Variants in ATP11A observed in about 807,000 individuals in gnomAD.
ATP11A encodes phospholipid-transporting ATPase IH.
A neutral mutation model predicts 154.4 loss-of-function variants in ATP11A; 81 were observed. The observed-to-expected ratio is 0.52, with a 90% CI of 0.44 to 0.63. The LOEUF is 0.63. Among genes scored for constraint, ATP11A ranks in the 30% least tolerant of loss-of-function variants. ATP11A has a pLI of 0.00. For missense variants in ATP11A, 1,316 were observed against 1,474.3 expected (o/e 0.89, Z 1.76); for synonymous variants, 623 against 585.9 (o/e 1.06, Z -0.91).
chr13:112,698,316 C>T lies in ATP11A; in HGVS notation c.39+7861C>T, dbSNP rs749879983. Among the ~76,000 whole-genome samples the T allele has an allele frequency of 3.3e-5, 5 of 152,168 alleles. 1 individual carries two copies. Among genetic ancestry groups the T allele is most frequent in the South Asian group, 2.1e-4 (1 of 4,838 alleles). On this transcript the variant is annotated intron_variant, in intron 1 of 29. Transcript: ENST00000375645. ...CGTCGAAGCCTGAGACCACCCCACC[C>T]GGTCCCAAGGAGGACACAGGCTTTT...
chr13:112,705,658 C>G (rs1887065186), intron 1 of ATP11A, among the ~76,000 whole-genome samples: 1 of 152,218 alleles, frequency 6.6e-6, no homozygotes, highest in Non-Finnish European at 1.5e-5. Flanking sequence ...GAGCAGAGGC[C>G]TAGTCTGAGA....
intron 17 of ATP11A, among the ~76,000 whole-genome samples, chr13:112,845,369 C>T (rs529786833): frequency 9.0e-6 from 1 of 111,404 alleles, no homozygotes; most frequent in South Asian, 2.6e-4. Flanking sequence ...ACTAGCGGTA[C>T]TATTCAGTCC....
Position 112,862,499 on chromosome 13 carries a change from G to A in ATP11A, c.2915G>A (p.Gly972Glu). The change falls in exon 25 of 30, where the codon GGA (glycine) becomes GAA (glutamate). Residue 972 changes from glycine (G) to glutamate (E), a missense_variant. Coordinates refer to ENST00000375645, the MANE Select transcript of ATP11A (RefSeq NM_015205.3). ...GTGTTCATCTACTGGACGCTCCTGG[G>A]ACTGTTTGACGCACTGGTGTTCTTC... ...WRVFIYWTLLGLFDALVFFFG... is the reference protein window; with the variant it reads ...WRVFIYWTLLELFDALVFFFG... The A allele has an allele frequency of 6.2e-7, 1 of 1,614,194 alleles. No individual in the cohort carries two copies. Among genetic ancestry groups the A allele is most frequent in the Non-Finnish European group, 8.5e-7 (1 of 1,180,024 alleles).
chr13:112,881,787 A>G (rs1380922458), intron 29 of ATP11A, 89 bp from the exon 30 acceptor site: 2 of 1,363,930 alleles, frequency 1.5e-6, no homozygotes, highest in East Asian at 9.1e-5. Context: ...TATCCCTGAG[A>G]CTGACCATGT....
rs150151869 is a variant in ATP11A, at chr13:112,807,721, A to C, written c.333+1428A>C. Among the ~76,000 whole-genome samples, 31 of 152,250 alleles carry C rather than the reference A, an allele frequency of 2.0e-4. No homozygotes were observed. The highest frequency in any genetic ancestry group is 7.0e-4 in the African/African-American group (29 of 41,552). On this transcript the variant is annotated intron_variant, in intron 4 of 29. Coordinates refer to ENST00000375645, the MANE Select transcript of ATP11A (RefSeq NM_015205.3). The surrounding 1 kb of genome is among the most constrained non-coding windows in gnomAD (Gnocchi z 4.5). ...CCTCGGGCCCAAAGTCACAGTTTCC[A>C]GGAACCCATCGTGGAGATTAGGTGA...
intron 1 of ATP11A, among the ~76,000 whole-genome samples, chr13:112,780,297 TCGGCAG>T (rs2077466005): frequency 6.6e-6 from 1 of 151,626 alleles, no homozygotes; most frequent in Non-Finnish European, 1.5e-5. Context: ...TCAGAGGCGG[TCGGCAG>T]CCACCACCGC....
Position 112,714,556 on chromosome 13 carries a change from G to T in ATP11A, c.39+24101G>T, listed in dbSNP as rs542454693. 9.9e-5 allele frequency among the ~76,000 whole-genome samples: 15 copies of T among 152,238 alleles called. 1 individual carries two copies. Among genetic ancestry groups the T allele is most frequent in the Admixed American group, 9.8e-4 (15 of 15,292 alleles). On this transcript the variant is annotated intron_variant, in intron 1 of 29. Coordinates refer to ENST00000375645, the MANE Select transcript of ATP11A (RefSeq NM_015205.3). ...GTCTCCACTCCTGACCTGGAGGCCC[G>T]TCTGGCTTCTGGCTCCAGCCCCCTC...
chr13:112,827,089 C>T (rs963503710), intron 12 of ATP11A, among the ~76,000 whole-genome samples, 198 bp downstream of exon 12: 4 of 152,230 alleles, frequency 2.6e-5, no homozygotes, highest in African/African-American at 9.6e-5. Context: ...GAATTACCTG[C>T]ACTTGCTGAC....
rs140047974 is a variant in ATP11A at position 112,830,930 on chromosome 13, C to T, written c.1222-445C>T. Among the ~76,000 whole-genome samples the T allele has an allele frequency of 1.5e-4, 23 of 152,292 alleles. No individual in the cohort carries two copies. In the East Asian group the frequency reaches 3.9e-3, roughly 26 times the overall value. ...TACATGGTATTGTAGGTTTTGACCT[C>T]CAAGACTGTATAGAGTAAGTTCGTC... is the stretch of plus-strand genomic sequence containing the variant. On this transcript the variant is annotated intron_variant, in intron 12 of 29. Transcript: ENST00000375645.
rs1594208984 is a variant in ATP11A, at chr13:112,862,553, C to T, written c.2969C>T (p.Thr990Ile). The T allele has an allele frequency of 6.2e-7, 1 of 1,614,204 alleles. No individual in the cohort carries two copies. Among genetic ancestry groups the T allele is most frequent in the African/African-American group, 1.3e-5 (1 of 75,060 alleles). The stretch of plus-strand genomic sequence containing the variant: ...GGTGCTTATTTCGTGTTTGAAAATA[C>T]AACTGTGACAAGCAACGGGCAGGTC... ...FFGAYFVFEN[T>I]TVTSNGQIFG... The change falls in exon 25 of 30, where the codon ACA becomes ATA. Residue 990 changes from threonine (T) to isoleucine (I), a missense_variant. Around this residue, in one of 5 missense-constraint regions of ATP11A, gnomAD observed 294 missense variants for 290.2 expected, o/e 1.01. Coordinates refer to ENST00000375645, the MANE Select transcript of ATP11A (RefSeq NM_015205.3).
rs898242602 is a variant in ATP11A at position 112,753,953 on chromosome 13, C to T, written c.40-31182C>T. ...CCTGGGGCATCATTTGAGCTCATTA[C>T]GTGGACACCGCTGCCTCTGAAGCTG... On this transcript the variant is annotated intron_variant, in intron 1 of 29. Coordinates refer to ENST00000375645, the MANE Select transcript of ATP11A (RefSeq NM_015205.3). The surrounding 1 kb of genome is among the most constrained non-coding windows in gnomAD (Gnocchi z 4.1). Among the ~76,000 whole-genome samples the T allele has an allele frequency of 2.6e-5, 4 of 152,230 alleles. No individual in the cohort carries two copies. The highest frequency in any genetic ancestry group is 4.8e-5 in the African/African-American group (2 of 41,460).
At chr13:112,699,602 T>G (rs1363373337) in intron 1 of ATP11A, among the ~76,000 whole-genome samples, 3 of 152,246 alleles carry the variant, frequency 2.0e-5, no homozygotes, top group Admixed American at 6.5e-5. Flanking sequence ...AAAGACAGGT[T>G]GCTGCGGGCA....
chr13:112,815,845 T>C (rs2078630860), intron 5 of ATP11A, among the ~76,000 whole-genome samples: 1 of 152,204 alleles, frequency 6.6e-6, no homozygotes. Context: ...GAATCAAAGA[T>C]AACCTTGTTA....
chr13:112,806,377 G>GA, intron 4 of ATP11A, 84 bp downstream of exon 4: 1 of 1,038,182 alleles, frequency 9.6e-7, no homozygotes, highest in African/African-American at 1.6e-5. Flanking sequence ...TGATTGGTTT[G>GA]TTGTAGCTAG....
intron 1 of ATP11A, among the ~76,000 whole-genome samples, chr13:112,713,279 C>T (rs1017176691): frequency 2.0e-5 from 3 of 152,056 alleles, no homozygotes; most frequent in Admixed American, 6.6e-5. Context: ...CCTGTAATCC[C>T]AGCTACTCAG....
chr13:112,872,700 T>C (rs1478425938), intron 26 of ATP11A, among the ~76,000 whole-genome samples: 1 of 152,246 alleles, frequency 6.6e-6, no homozygotes, highest in East Asian at 1.9e-4. Flanking sequence ...AAACAACACC[T>C]TGGTCTGTGG....
At chr13:112,827,069 A>G (rs932253136) in intron 12 of ATP11A, among the ~76,000 whole-genome samples, 178 bp downstream of exon 12, 15 of 152,174 alleles carry the variant, frequency 9.9e-5, no homozygotes, top group African/African-American at 3.6e-4. Context: ...TTACATTTAC[A>G]ACAGATGCAG....
At chr13:112,702,279 G>C (rs1314728960) in intron 1 of ATP11A, among the ~76,000 whole-genome samples, 3 of 150,720 alleles carry the variant, frequency 2.0e-5, no homozygotes, top group Non-Finnish European at 4.4e-5. Context: ...CCAGGAGGCA[G>C]AGGTTGCAGT....
At chr13:112,705,503 A>G (rs1026349419) in intron 1 of ATP11A, among the ~76,000 whole-genome samples, 6 of 151,846 alleles carry the variant, frequency 4.0e-5, no homozygotes, top group Non-Finnish European at 8.8e-5. Context: ...GATGGAAGGC[A>G]CATGGCATGT....
Sources: allele counts gnomAD v4.1 joint callset (sites outside exome capture counted in the v4.1 genomes callset), GRCh38; gene constraint gnomAD v4.1.1; regional missense constraint gnomAD v4.1.1; non-coding constraint Gnocchi (gnomAD v3.1); transcripts MANE v1.5; gene names NCBI Gene and HGNC (gene_info 2026-07-23, HGNC 2026-07-21).